The following SLCO2A1 variants were observed in gnomAD, a reference collection of about 807,000 sequenced individuals.
SLCO2A1 encodes the protein matrin F/G 1.
A neutral mutation model predicts 71.7 loss-of-function variants in SLCO2A1; 60 were observed. That is an observed-to-expected ratio of 0.84 (90% confidence interval 0.68 to 1.04). The LOEUF (loss-of-function observed/expected upper bound fraction) is 1.04, where lower values mean the gene tolerates loss of function less well. SLCO2A1 is among the 50% of genes least tolerant of loss of function. The pLI is 0.00. For synonymous variants in SLCO2A1, 308 were observed against 326.7 expected, an observed-to-expected ratio of 0.94 and a Z score of 0.62; for missense variants, 745 against 813.4, an observed-to-expected ratio of 0.92 and a Z score of 1.02.
At chr3:133,973,602 T>A in intron 3 of SLCO2A1, 61 bp downstream of exon 3, 1 of 1,578,682 alleles carries the variant, frequency 6.3e-7, no homozygotes, top group Non-Finnish European at 8.7e-7. Context: ...GTATCCCCAC[T>A]AACTTTGTGA....
intron 1 of SLCO2A1, among the ~76,000 whole-genome samples, chr3:134,019,866 G>A (rs1935533759): frequency 6.6e-6 from 1 of 152,082 alleles, no homozygotes; most frequent in African/African-American, 2.4e-5. Context: ...AGTTTCCGCT[G>A]TTCCCACTAA....
chr3:133,993,385 G>A (rs1934896499), intron 1 of SLCO2A1, among the ~76,000 whole-genome samples: 1 of 152,230 alleles, frequency 6.6e-6, no homozygotes, highest in African/African-American at 2.4e-5. Context: ...AGCTGGAGTG[G>A]TGAGGTCTGT....
At chr3:133,978,457 G>T (rs1934510888) in intron 2 of SLCO2A1, among the ~76,000 whole-genome samples, 1 of 152,096 alleles carries the variant, frequency 6.6e-6, no homozygotes, top group Non-Finnish European at 1.5e-5. Flanking sequence ...ACTGCTATGT[G>T]GACCATCAAG....
At chr3:134,008,770 G>A (rs919654987) in intron 1 of SLCO2A1, among the ~76,000 whole-genome samples, 1 of 152,222 alleles carries the variant, frequency 6.6e-6, no homozygotes, top group African/African-American at 2.4e-5. Context: ...AGCAGAGAGA[G>A]CAGATTCCTG....
chr3:133,996,095 G>C (rs921011187), intron 1 of SLCO2A1, among the ~76,000 whole-genome samples: 1 of 152,198 alleles, frequency 6.6e-6, no homozygotes, highest in Non-Finnish European at 1.5e-5. Flanking sequence ...CCTCTTTGCA[G>C]TGAGGAGGAG....
chr3:133,959,631 C>T (rs1933984964), intron 3 of SLCO2A1, among the ~76,000 whole-genome samples: 1 of 152,208 alleles, frequency 6.6e-6, no homozygotes, highest in African/African-American at 2.4e-5. Context: ...TCGAGACCAG[C>T]CTGGGTAACA....
intron 9 of SLCO2A1, among the ~76,000 whole-genome samples, chr3:133,946,584 A>G (rs954008835): frequency 1.3e-5 from 2 of 152,336 alleles, no homozygotes. Context: ...CAGCAGCTCA[A>G]TGAAACTGAA....
chr3:133,980,259 G>A (rs1323380778), intron 1 of SLCO2A1, among the ~76,000 whole-genome samples: 1 of 152,244 alleles, frequency 6.6e-6, no homozygotes, highest in Non-Finnish European at 1.5e-5. Flanking sequence ...AGGAATGTCT[G>A]TGACTGACTG....
chr3:134,025,395 T>G (rs1935682576), intron 1 of SLCO2A1, among the ~76,000 whole-genome samples: 2 of 151,972 alleles, frequency 1.3e-5, no homozygotes, highest in African/African-American at 4.8e-5. Flanking sequence ...GTTTTTAAAA[T>G]TAGATTGAGG....
chr3:133,934,744 T>A lies in SLCO2A1; in HGVS notation c.1901A>T (p.Tyr634Phe). ...ISWRVKKNKEYNVQKAAGLI is the reference protein window; with the variant it reads ...ISWRVKKNKEFNVQKAAGLI ...GAGGCCTGCCGCCTTCTGCACGTTG[T>A]ACTCCTTGTTCTTCTTCACCCTCCA... The change falls in exon 14 of 14, where the codon TAC (tyrosine) becomes TTC (phenylalanine). Residue 634 changes from tyrosine to phenylalanine, a missense_variant. Coordinates refer to ENST00000310926, the MANE Select transcript of SLCO2A1 (RefSeq NM_005630.3). 6.2e-7 allele frequency: 1 copy of A among 1,613,682 alleles called. No individual in the cohort carries two copies. Among genetic ancestry groups the A allele is most frequent in the Non-Finnish European group, 8.5e-7 (1 of 1,180,006 alleles).
Position 133,948,979 on chromosome 3 carries a change from C to A in SLCO2A1, c.862-8G>T, listed in dbSNP as rs779434944. ...TGCTGTGGCAGGAGCCCTCTGAAGG[C>A]AATAAAAGGGGTGAGTGTTCACGGC... is the stretch of plus-strand genomic sequence containing the variant. On this transcript the variant is annotated splice_region_variant and splice_polypyrimidine_tract_variant and intron_variant, in intron 6 of 13. Coordinates refer to ENST00000310926, the MANE Select transcript of SLCO2A1 (RefSeq NM_005630.3). 1.9e-6 allele frequency: 3 copies of A among 1,613,018 alleles called. No individual in the cohort carries two copies. The South Asian group carries it at 3.3e-5, about 18-fold the overall frequency.
At chr3:134,014,586 G>T (rs1306387125) in intron 1 of SLCO2A1, among the ~76,000 whole-genome samples, 1 of 152,206 alleles carries the variant, frequency 6.6e-6, no homozygotes, top group Non-Finnish European at 1.5e-5. Context: ...TCTCCTAGAA[G>T]AGTCCAGACC....
Position 134,005,953 on chromosome 3 carries a change from T to C in SLCO2A1, c.96+23754A>G, listed in dbSNP as rs539247377. Among the ~76,000 whole-genome samples, 7 of 152,278 alleles carry C rather than the reference T, an allele frequency of 4.6e-5. No individual in the cohort carries two copies. In the South Asian group the frequency reaches 1.5e-3, roughly 32 times the overall value. On this transcript the variant is annotated intron_variant, in intron 1 of 13. Coordinates refer to ENST00000310926, the MANE Select transcript of SLCO2A1 (RefSeq NM_005630.3). ...TTAATTAGGTTTCTTTATTCTTTAC[T>C]CTCTTTTGTCTTAGAAGGTATATTC...
chr3:134,010,668 C>T (rs548379221), intron 1 of SLCO2A1, among the ~76,000 whole-genome samples: 64 of 146,592 alleles, frequency 4.4e-4, no homozygotes, highest in Non-Finnish European at 5.8e-4. Context: ...GCAGAAGAAT[C>T]GCTTGAACCT....
At chr3:133,967,705 C>T (rs1365132518) in intron 3 of SLCO2A1, among the ~76,000 whole-genome samples, 4 of 151,916 alleles carry the variant, frequency 2.6e-5, no homozygotes, top group Admixed American at 1.3e-4. Context: ...GGATGCTCCA[C>T]CCCGCCCTCC....
At chr3:133,975,630 G>A (rs1934424392) in intron 2 of SLCO2A1, among the ~76,000 whole-genome samples, 1 of 152,080 alleles carries the variant, frequency 6.6e-6, no homozygotes, top group South Asian at 2.1e-4. Flanking sequence ...CACCTCTCAG[G>A]TCTGCACTCT....
chr3:133,948,780 C>T (rs1298132529), intron 7 of SLCO2A1, 80 bp from the exon 8 acceptor site: 2 of 1,592,434 alleles, frequency 1.3e-6, no homozygotes, highest in Non-Finnish European at 1.7e-6. Context: ...GTTACAGGCC[C>T]TCTGCTCCTA....
rs377492594 is a variant in SLCO2A1, at chr3:133,979,213, A to G, written c.234+268T>C. 1.3e-4 allele frequency among the ~76,000 whole-genome samples: 20 copies of G among 152,336 alleles called. 1 individual carries two copies. Among genetic ancestry groups the G allele is most frequent in the Admixed American group, 3.3e-4 (5 of 15,310 alleles). On this transcript the variant is annotated intron_variant, in intron 2 of 13. Transcript: ENST00000310926. Reference sequence around the variant, plus strand: ...TTATCTGTGAAGTGGGCATGAACATAGTACCTGCTGGCAAGGCTGCCATGA... The same window carrying G: ...TTATCTGTGAAGTGGGCATGAACATGGTACCTGCTGGCAAGGCTGCCATGA...
chr3:133,976,054 C>T (rs995646858), intron 2 of SLCO2A1, among the ~76,000 whole-genome samples: 1 of 152,198 alleles, frequency 6.6e-6, no homozygotes, highest in Non-Finnish European at 1.5e-5. Flanking sequence ...ACTTGGTGCT[C>T]GTTAAATATT....
Sources: allele counts gnomAD v4.1 joint callset (sites outside exome capture counted in the v4.1 genomes callset), GRCh38; gene constraint gnomAD v4.1.1; transcripts MANE v1.5; gene names NCBI Gene and HGNC (gene_info 2026-07-23, HGNC 2026-07-21).